ASTN2: variants seen among roughly 807,000 people sequenced by gnomAD.
ASTN2 encodes astrotactin 2.
ASTN2 carries 54 observed loss-of-function variants against 139.8 expected under a neutral mutation model. The observed-to-expected ratio is 0.39, with a 90% CI of 0.31 to 0.48. The LOEUF (loss-of-function observed/expected upper bound fraction) is 0.48. ASTN2 is among the 20% of genes least tolerant of loss of function. The probability of loss-of-function intolerance (pLI) is 0.95; values close to 1 mark genes in which losing one functional copy is unlikely to be tolerated. For synonymous variants in ASTN2, 756 were observed against 719.5 expected (o/e 1.05, Z -0.81); for missense variants, 1,565 against 1,725.1 (o/e 0.91, Z 1.64).
intron 11 of ASTN2, among the ~76,000 whole-genome samples, chr9:116,827,246 T>C (rs1405223480): frequency 7.0e-6 from 1 of 143,298 alleles, no homozygotes; most frequent in East Asian, 2.0e-4. Context: ...GAGGCGGAGG[T>C]TGCAATGAGC....
At chr9:116,603,127 G>A (rs1854994649) in intron 19 of ASTN2, among the ~76,000 whole-genome samples, 1 of 152,168 alleles carries the variant, frequency 6.6e-6, no homozygotes, top group Non-Finnish European at 1.5e-5. Context: ...GTTTGACCAA[G>A]CAGGGAAATT....
At chr9:116,632,252 G>GAAAGAAAGAAAGAAAGAAAGAAGGAAA (rs1856833378) in intron 17 of ASTN2, among the ~76,000 whole-genome samples, 1 of 70,926 alleles carries the variant, frequency 1.4e-5, no homozygotes, top group African/African-American at 7.1e-5. Flanking sequence ...AAAGAAAGAA[G>GAAAGAAAGAAAGAAAGAAAGAAGGAAA]GAAAGAAAGA....
chr9:117,141,226 G>T, intron 4 of ASTN2, 100 bp downstream of exon 4: 1 of 1,218,022 alleles, frequency 8.2e-7, no homozygotes, highest in Non-Finnish European at 1.1e-6. Context: ...AGTTTTATGA[G>T]CACAGGGAAG....
intron 19 of ASTN2, among the ~76,000 whole-genome samples, chr9:116,512,204 T>C (rs555223878): frequency 6.6e-6 from 1 of 152,326 alleles, no homozygotes; most frequent in African/African-American, 2.4e-5. Flanking sequence ...ATGTTATGTC[T>C]TTGTTCTCGT....
intron 4 of ASTN2, among the ~76,000 whole-genome samples, chr9:117,098,317 G>T (rs1314929847): frequency 6.6e-6 from 1 of 152,134 alleles, no homozygotes; most frequent in African/African-American, 2.4e-5. Flanking sequence ...AAAATGATTT[G>T]CTAATAATGA....
intron 2 of ASTN2, among the ~76,000 whole-genome samples, chr9:117,272,605 C>T (rs958852099): frequency 6.6e-6 from 1 of 152,186 alleles, no homozygotes. Flanking sequence ...TTAACAGCAC[C>T]CAAGTCGCCA....
chr9:117,148,787 A>T (rs901141316), intron 3 of ASTN2, among the ~76,000 whole-genome samples: 5 of 152,198 alleles, frequency 3.3e-5, no homozygotes, highest in Non-Finnish European at 5.9e-5. Flanking sequence ...ATTGGAGTAA[A>T]GCAGAACATT....
chr9:116,702,268 A>AATG (rs1384234433), intron 16 of ASTN2, among the ~76,000 whole-genome samples: 1 of 152,040 alleles, frequency 6.6e-6, no homozygotes, highest in African/African-American at 2.4e-5. Context: ...ATATTCCATA[A>AATG]ATGATGGCTG....
intron 13 of ASTN2, among the ~76,000 whole-genome samples, chr9:116,751,454 G>T (rs1483129586): frequency 6.6e-6 from 1 of 152,168 alleles, no homozygotes; most frequent in Non-Finnish European, 1.5e-5. Flanking sequence ...CAGTACCAGT[G>T]TTGCTGAATT....
intron 14 of ASTN2, among the ~76,000 whole-genome samples, chr9:116,729,407 G>T (rs865852238): frequency 2.5e-4 from 38 of 152,280 alleles, no homozygotes; most frequent in Middle Eastern, 6.8e-3. Context: ...AGACATCCCA[G>T]TGCTTCAGTT....
chr9:117,164,477 C>A (rs1212830890), intron 3 of ASTN2, among the ~76,000 whole-genome samples: 2 of 152,048 alleles, frequency 1.3e-5, no homozygotes, highest in Non-Finnish European at 2.9e-5. Flanking sequence ...AGAATCCTAG[C>A]CTAATGTTGT....
At chr9:116,702,208 C>T (rs1827841875) in intron 16 of ASTN2, among the ~76,000 whole-genome samples, 1 of 151,948 alleles carries the variant, frequency 6.6e-6, no homozygotes, top group Admixed American at 6.6e-5. Context: ...TCCCTGCCTC[C>T]TAGAAGGGTA....
chr9:116,696,721 T>C (rs909819148), intron 16 of ASTN2, among the ~76,000 whole-genome samples: 4 of 152,188 alleles, frequency 2.6e-5, no homozygotes, highest in African/African-American at 4.8e-5. Context: ...AGTTTGAATA[T>C]CTGAAGAGCA....
At chr9:116,700,684 C>T (rs1861125439) in intron 16 of ASTN2, 1 of 166,924 alleles carries the variant, frequency 6.0e-6, no homozygotes, top group Non-Finnish European at 1.5e-5. Flanking sequence ...TCAGTACATA[C>T]TATTTGGTTT....
chr9:116,827,100 G>C (rs2416577), intron 11 of ASTN2, among the ~76,000 whole-genome samples: 1 of 151,736 alleles, frequency 6.6e-6, no homozygotes, highest in Non-Finnish European at 1.5e-5. Context: ...ACCTAAGGTC[G>C]GGAGTTCGAG....
At chr9:116,860,831 A>C (rs7036590) in intron 11 of ASTN2, among the ~76,000 whole-genome samples, 1 of 152,174 alleles carries the variant, frequency 6.6e-6, no homozygotes, top group Middle Eastern at 3.4e-3. Context: ...ATGCTTTGAG[A>C]ATGCTAAAGT....
chr9:116,753,005 G>A (rs7026663), intron 13 of ASTN2, among the ~76,000 whole-genome samples: 181 of 152,274 alleles, frequency 1.2e-3, no homozygotes, highest in African/African-American at 3.8e-3. Context: ...GCAATTGCAT[G>A]CATTCCTTAA....
intron 13 of ASTN2, among the ~76,000 whole-genome samples, chr9:116,773,798 CT>C (rs1830012583): frequency 6.6e-6 from 1 of 152,120 alleles, no homozygotes; most frequent in South Asian, 2.1e-4. Context: ...AGGATTGAAT[CT>C]GCTTTGTCTG....
intron 19 of ASTN2, among the ~76,000 whole-genome samples, chr9:116,592,177 T>C (rs1854404321): frequency 6.6e-6 from 1 of 152,174 alleles, no homozygotes; most frequent in Non-Finnish European, 1.5e-5. Context: ...ATAGTACCAG[T>C]GTATCAGTCC....
Sources: allele counts gnomAD v4.1 joint callset (sites outside exome capture counted in the v4.1 genomes callset), GRCh38; gene constraint gnomAD v4.1.1; transcripts MANE v1.5; gene names NCBI Gene and HGNC (gene_info 2026-07-23, HGNC 2026-07-21).